The following PCDHGA9 variants were observed in gnomAD, a reference collection of about 807,000 sequenced individuals.
PCDHGA9 encodes the protein protocadherin gamma subfamily A, 9.
A neutral mutation model predicts 62.5 loss-of-function variants in PCDHGA9; 37 were observed. That is an observed-to-expected ratio of 0.59 (90% CI 0.46 to 0.78). The LOEUF (loss-of-function observed/expected upper bound fraction) is 0.78. Ranked by LOEUF, PCDHGA9 falls within the 30% of genes least tolerant of loss-of-function variation. The pLI, the probability that PCDHGA9 is intolerant of heterozygous loss-of-function variation, is 0.00. For missense variants in PCDHGA9, 1,138 were observed against 1,166.2 expected (o/e 0.98, Z 0.35); for synonymous variants, 459 against 484.6 (o/e 0.95, Z 0.69).
chr5:141,408,869 AG>A, intron 1 of PCDHGA9: 1 of 1,613,690 alleles, frequency 6.2e-7, no homozygotes, highest in Non-Finnish European at 8.5e-7. Context: ...CCCACCAAGA[AG>A]TGCCACCGCT....
Position 141,491,650 on chromosome 5 carries a change from G to C in PCDHGA9, c.2425-3157G>C, listed in dbSNP as rs1283977913. On this transcript the variant is annotated intron_variant, in intron 1 of 3. Coordinates refer to ENST00000573521, the MANE Select transcript of PCDHGA9 (RefSeq NM_018921.3). The surrounding 1 kb of genome is among the most constrained non-coding windows in gnomAD (Gnocchi z 6.9). ...TCAGCAGCCCACAGCTCTGGCGCTG[G>C]AGCCTGACGCCATCCGGTCCCGCTC... The C allele has an allele frequency of 6.2e-7, 1 of 1,613,876 alleles. No individual in the cohort carries two copies. The highest frequency in any genetic ancestry group is 1.7e-5 in the Admixed American group (1 of 60,034).
chr5:141,404,405 TC>T lies in PCDHGA9; in HGVS notation c.1454del (p.Ser485LeufsTer48). 6.2e-7 allele frequency: 1 copy of T among 1,613,914 alleles called. No homozygotes were observed. The highest frequency in any genetic ancestry group is 1.1e-5 in the South Asian group (1 of 91,088). Reference protein sequence around the residue: ...IAYDPDSNENSRVIYSLAEDT... With the variant: ...IAYDPDSNENXRVIYSLAEDT... ...CTATGACCCTGATAGCAATGAGAATTCTAGAGTTATTTACTCCTTGGCAGAG... is the reference window on the plus strand; with the variant it reads ...CTATGACCCTGATAGCAATGAGAATTTAGAGTTATTTACTCCTTGGCAGAG... On this transcript the variant is annotated frameshift_variant, in exon 1 of 4. Transcript: ENST00000573521. LOFTEE classifies it high-confidence loss of function.
intron 1 of PCDHGA9, among the ~76,000 whole-genome samples, chr5:141,479,053 A>G (rs534968614): frequency 9.2e-5 from 14 of 152,334 alleles, no homozygotes; most frequent in African/African-American, 3.1e-4. Context: ...TCATTCTCAG[A>G]TAATTTTTTA....
intron 1 of PCDHGA9, 78 bp from the exon 2 acceptor site, chr5:141,494,729 C>CG: frequency 6.2e-7 from 1 of 1,610,168 alleles, no homozygotes; most frequent in South Asian, 1.1e-5. Context: ...CCTTCTCTCC[C>CG]GGCCCATCCC....
intron 1 of PCDHGA9, among the ~76,000 whole-genome samples, chr5:141,482,985 C>T (rs971017271): frequency 1.3e-5 from 2 of 151,372 alleles, no homozygotes; most frequent in East Asian, 1.9e-4. Context: ...CTTGAGAGGT[C>T]GAGGCAGGAG....
chr5:141,467,775 C>T (rs1464827506), intron 1 of PCDHGA9, among the ~76,000 whole-genome samples: 1 of 151,960 alleles, frequency 6.6e-6, no homozygotes, highest in Non-Finnish European at 1.5e-5. Context: ...GCCCGCACCT[C>T]AGCCTCTCAA....
intron 1 of PCDHGA9, among the ~76,000 whole-genome samples, chr5:141,458,445 T>G (rs180720013): frequency 6.6e-6 from 1 of 151,738 alleles, no homozygotes; most frequent in East Asian, 1.9e-4. Flanking sequence ...TCCCCCACAT[T>G]AACAATTTTT....
intron 1 of PCDHGA9, among the ~76,000 whole-genome samples, chr5:141,475,511 A>T (rs1240718716): frequency 6.6e-6 from 1 of 152,240 alleles, no homozygotes; most frequent in African/African-American, 2.4e-5. Context: ...TAATGTCTCC[A>T]CGGAAATGCT....
intron 3 of PCDHGA9, among the ~76,000 whole-genome samples, chr5:141,509,277 T>TC (rs566266970): frequency 0.011 from 1,653 of 152,240 alleles, 22 homozygotes; most frequent in Non-Finnish European, 0.018. Context: ...CGCTACCCGC[T>TC]CCCAGGGTCC....
chr5:141,404,762 C>T lies in PCDHGA9; in HGVS notation c.1810C>T (p.Leu604Phe), dbSNP rs1466259455. ...CAGAGACTCAGGCCAGAATGCTTGG[C>T]TCTCCTACCGCCTATTCAAGGCCAG... Reference protein sequence around the residue: ...VDRDSGQNAWLSYRLFKASEP... With the variant: ...VDRDSGQNAWFSYRLFKASEP... Residue 604 changes from leucine to phenylalanine, a missense_variant, in exon 1 of 4, where the codon CTC becomes TTC. By Grantham distance (22) the Leu-to-Phe change is conservative (BLOSUM62 0). Coordinates refer to ENST00000573521, the MANE Select transcript of PCDHGA9 (RefSeq NM_018921.3). 1 of 1,613,828 alleles carries T rather than the reference C, an allele frequency of 6.2e-7. No homozygotes were observed. Among genetic ancestry groups the T allele is most frequent in the East Asian group, 2.2e-5 (1 of 44,872 alleles).
chr5:141,471,926 G>A (rs2099266798), intron 1 of PCDHGA9, among the ~76,000 whole-genome samples: 2 of 152,110 alleles, frequency 1.3e-5, no homozygotes. Flanking sequence ...AATTTTGGGG[G>A]TGATGAGAGT....
Position 141,485,606 on chromosome 5 carries a change from G to T in PCDHGA9, c.2425-9201G>T, listed in dbSNP as rs2099616630. On this transcript the variant is annotated intron_variant, in intron 1 of 3. Transcript: ENST00000573521. The surrounding 1 kb of genome is among the most constrained non-coding windows in gnomAD (Gnocchi z 5.7). ...GCAGCTGGACTTGGAAATTGGGGAG[G>T]CAGCTCCTCCAGGACAGCGTTTCCC... is the stretch of plus-strand genomic sequence containing the variant. 1.2e-6 allele frequency: 2 copies of T among 1,612,362 alleles called. No homozygotes were observed. The highest frequency in any genetic ancestry group is 4.5e-5 in the East Asian group (2 of 44,840).
At chr5:141,441,187 AT>A (rs1349788972) in intron 1 of PCDHGA9, 1 of 152,214 alleles carries the variant, frequency 6.6e-6, no homozygotes, top group Non-Finnish European at 1.5e-5. Context: ...TTCCACAATG[AT>A]TCCCAAAGAT....
At chr5:141,414,395 G>GAAAAGTCC (rs1226242642) in intron 1 of PCDHGA9, 1 of 1,613,924 alleles carries the variant, frequency 6.2e-7, no homozygotes, top group South Asian at 1.1e-5. Context: ...AGTTATTACA[G>GAAAAGTCC]ATTGGTGATA....
chr5:141,447,428 G>A (rs542079336), intron 1 of PCDHGA9, among the ~76,000 whole-genome samples: 4 of 152,182 alleles, frequency 2.6e-5, no homozygotes, highest in East Asian at 1.9e-4. Flanking sequence ...GTGAGCCACC[G>A]CACCCGGAGG....
rs752954707 is a variant in PCDHGA9 at position 141,476,801 on chromosome 5, C to T, written c.2425-18006C>T. The T allele has an allele frequency of 6.2e-7, 1 of 1,613,586 alleles. No individual in the cohort carries two copies. Among genetic ancestry groups the T allele is most frequent in the Non-Finnish European group, 8.5e-7 (1 of 1,180,020 alleles). On this transcript the variant is annotated intron_variant, in intron 1 of 3. Coordinates refer to ENST00000573521, the MANE Select transcript of PCDHGA9 (RefSeq NM_018921.3). This position sits in a 1 kb window ranked among gnomAD's most constrained non-coding sequence, Gnocchi z 7.6. Reference sequence around the variant, plus strand: ...GACCCCAGCTCTCTCCGCCAGCCTGCCTATTCACATCAAGGTGCTGGACGC... The same window carrying T: ...GACCCCAGCTCTCTCCGCCAGCCTGTCTATTCACATCAAGGTGCTGGACGC...
At chr5:141,407,429 C>T (rs2094929018) in intron 1 of PCDHGA9, among the ~76,000 whole-genome samples, 1 of 151,532 alleles carries the variant, frequency 6.6e-6, no homozygotes, top group Admixed American at 6.6e-5. Flanking sequence ...ATGTCTCTTG[C>T]CCTTAAAACC....
At chr5:141,466,077 A>G (rs1220036084) in intron 1 of PCDHGA9, among the ~76,000 whole-genome samples, 2 of 152,108 alleles carry the variant, frequency 1.3e-5, no homozygotes, top group Non-Finnish European at 2.9e-5. Context: ...AGCTGATATC[A>G]TGCCACTGCA....
In PCDHGA9 at chr5:141,490,598, G is replaced by A. The variant is rs141484080; in HGVS notation, c.2425-4209G>A. On this transcript the variant is annotated intron_variant, in intron 1 of 3. Transcript: ENST00000573521. This position sits in a 1 kb window ranked among gnomAD's most constrained non-coding sequence, Gnocchi z 5.4. ...TCAGATGTCAATGACAATGCACCCC[G>A]CTTCAACCAGCAGCTTTACACTGCT... 309 of 1,614,062 alleles carry A rather than the reference G, an allele frequency of 1.9e-4. 2 individuals carry two copies. Among genetic ancestry groups the A allele is most frequent in the Admixed American group, 5.0e-4 (30 of 60,018 alleles).
Sources: gnomAD v4.1 joint callset for allele counts (sites outside exome capture counted in the v4.1 genomes callset) on GRCh38, gnomAD v4.1.1 for gene constraint, Gnocchi (gnomAD v3.1) non-coding constraint, MANE v1.5 for transcripts, NCBI Gene and HGNC (gene_info 2026-07-23, HGNC 2026-07-21) for gene names.